CDKL5: variants seen among roughly 807,000 people sequenced by gnomAD.
The protein encoded by CDKL5 is cyclin-dependent kinase-like 5.
Under a neutral mutation model 61.7 loss-of-function variants are expected in CDKL5, and 8 were observed. That is an observed-to-expected ratio of 0.13 (90% CI 0.08 to 0.23). The LOEUF is 0.23. CDKL5 is among the 10% of genes least tolerant of loss of function. The pLI is 1.00. For synonymous variants in CDKL5, 275 were observed against 272.3 expected (o/e 1.01, Z -0.10); for missense variants, 440 against 734.5 (o/e 0.60, Z 4.63).
chrX:18,613,292 G>A lies in CDKL5; in HGVS notation c.2276+17G>A, dbSNP rs375725816. 8.5e-7 allele frequency: 1 copy of A among 1,182,051 alleles called. No homozygotes were observed. The highest frequency in any genetic ancestry group is 2.2e-5 in the Admixed American group (1 of 45,022). ...CGATCCATGGTGAGCATTTTGGTTT[G>A]TTTTTACTCTTCCTTTTTTTAATTG... On this transcript the variant is annotated intron_variant, in intron 15 of 17. Coordinates refer to ENST00000623535, the MANE Select transcript of CDKL5 (RefSeq NM_001323289.2).
At chrX:18,559,615 TTTC>T (rs1924721541) in intron 3 of CDKL5, among the ~76,000 whole-genome samples, 1 of 109,167 alleles carries the variant, frequency 9.2e-6, no homozygotes, top group Non-Finnish European at 1.9e-5. Context: ...AAAATGACCT[TTTC>T]TTTTTTTTTT....
At chrX:18,473,502 A>G (rs1350695007) in intron 1 of CDKL5, among the ~76,000 whole-genome samples, 3 of 109,725 alleles carry the variant, frequency 2.7e-5, no homozygotes, top group African/African-American at 1.0e-4. Flanking sequence ...GTCCAGTAGG[A>G]TATGAATGAA....
In CDKL5 at chrX:18,651,220, A is replaced by AGTGTGT. The variant is rs3838188; in HGVS notation, c.2980+668_2980+673dup. On this transcript the variant is annotated intron_variant, in intron 21 of 21. Transcript: ENST00000379989. The stretch of plus-strand genomic sequence containing the variant: ...GCTGTCCTTGCCCCAGGCAGGAGCA[A>AGTGTGT]GTGTGTGTGTGTGTGTGTGTGTGTG... Among the ~76,000 whole-genome samples, 177 of 65,176 alleles carry AGTGTGT rather than the reference A, an allele frequency of 2.7e-3. 1 individual carries two copies. The highest frequency in any genetic ancestry group is 7.0e-3 in the African/African-American group (111 of 15,799). 56.6% of individuals were successfully genotyped at this position (65,176 alleles called of 115,157 possible).
At chrX:18,433,906 C>T (rs780985140) in intron 1 of CDKL5, among the ~76,000 whole-genome samples, 2 of 112,410 alleles carry the variant, frequency 1.8e-5, no homozygotes, top group African/African-American at 6.5e-5. Flanking sequence ...GACCTCTAAT[C>T]CCCCTTGACA....
At chrX:18,614,511 A>C (rs1281287730) in intron 15 of CDKL5, among the ~76,000 whole-genome samples, 1 of 111,794 alleles carries the variant, frequency 8.9e-6, no homozygotes, top group African/African-American at 3.3e-5. Context: ...CCTCCCTCAT[A>C]GGGTTCATGT....
rs1250531842 is a variant in CDKL5, at chrX:18,653,537, G to T, written c.3086G>T (p.Gly1029Val). 8.3e-7 allele frequency: 1 copy of T among 1,211,713 alleles called. No homozygotes were observed. The highest frequency in any genetic ancestry group is 1.1e-6 in the Non-Finnish European group (1 of 895,447). The change falls in exon 22 of 22, where the codon GGC becomes GTC. Residue 1029 changes from glycine (G) to valine (V), a missense_variant. By Grantham distance (109) the Gly-to-Val change is moderately radical (BLOSUM62 -3). Coordinates refer to the CDKL5 transcript ENST00000379989. ...TACCATGAGAATGCGGCACTGACGG[G>T]CAAGTGACTTCTGCAAGCCTGCGGC...
intron 3 of CDKL5, 71 bp downstream of exon 3, chrX:18,510,925 T>G: frequency 1.3e-6 from 1 of 765,995 alleles, no homozygotes; most frequent in Admixed American, 2.2e-5. Flanking sequence ...TAGTGGTCTT[T>G]GCGTGTGGGC....
At chrX:18,460,349 A>G (rs1932255120) in intron 1 of CDKL5, among the ~76,000 whole-genome samples, 1 of 111,334 alleles carries the variant, frequency 9.0e-6, no homozygotes, top group African/African-American at 3.3e-5. Flanking sequence ...GTACCCAGGT[A>G]GATGGTGTTA....
chrX:18,466,710 G>A (rs1169107837), intron 1 of CDKL5, among the ~76,000 whole-genome samples: 1 of 111,114 alleles, frequency 9.0e-6, no homozygotes, highest in Non-Finnish European at 1.9e-5. Context: ...ACAGGGTTTC[G>A]CCATGTTGCC....
chrX:18,542,659 AT>A (rs199564053), intron 3 of CDKL5, among the ~76,000 whole-genome samples: 3,139 of 95,701 alleles, frequency 0.033, 85 homozygotes, highest in East Asian at 0.19. Flanking sequence ...TAATATGATG[AT>A]TTTTTTTTTT....
chrX:18,455,106 TC>T (rs1429151124), intron 1 of CDKL5, among the ~76,000 whole-genome samples: 2 of 111,000 alleles, frequency 1.8e-5, no homozygotes, highest in Non-Finnish European at 3.8e-5. Flanking sequence ...GTATAATCCA[TC>T]CTATGTGTGC....
chrX:18,518,388 A>ATTTTTTTTTT lies in CDKL5; in HGVS notation c.99+7560_99+7569dup, dbSNP rs779361711. 1.2e-3 allele frequency among the ~76,000 whole-genome samples: 26 copies of ATTTTTTTTTT among 21,165 alleles called. 6 individuals carry two copies. Among genetic ancestry groups the ATTTTTTTTTT allele is most frequent in the East Asian group, 2.1e-3 (1 of 486 alleles). The allele number at this position is 21,165 out of a possible 115,157, so 18.4% of individuals were successfully genotyped here. The stretch of plus-strand genomic sequence containing the variant: ...AAGTCATGTTTTCTTTTCTTTTCTT[A>ATTTTTTTTTT]TTTTTTTTTTTTTTTTTTTTTTTTT... On this transcript the variant is annotated intron_variant, in intron 3 of 17. Transcript: ENST00000623535.
intron 1 of CDKL5, among the ~76,000 whole-genome samples, chrX:18,483,583 A>ATT (rs1322471371): frequency 9.5e-6 from 1 of 105,688 alleles, no homozygotes; most frequent in South Asian, 4.2e-4. Flanking sequence ...CACCTGGCTA[A>ATT]TTTTTTTTTT....
downstream of CDKL5, among the ~76,000 whole-genome samples, chrX:18,643,649 C>T (rs1338587247): frequency 1.8e-5 from 2 of 111,800 alleles, no homozygotes; most frequent in African/African-American, 3.3e-5. Flanking sequence ...AACCCATGAA[C>T]GTCTTGGCCG....
In CDKL5 at chrX:18,518,385, C is replaced by CTTTTTTTTTTTTTT. The variant is rs1195931109; in HGVS notation, c.99+7533_99+7534insTTTTTTTTTTTTTT. Among the ~76,000 whole-genome samples the CTTTTTTTTTTTTTT allele has an allele frequency of 3.5e-4, 8 of 22,786 alleles. 1 individual carries two copies. Among genetic ancestry groups the CTTTTTTTTTTTTTT allele is most frequent in the African/African-American group, 1.2e-3 (8 of 6,582 alleles). The allele number at this position is 22,786 out of a possible 115,157, so 19.8% of individuals were successfully genotyped here. A position where few individuals can be genotyped will look rare whatever the true frequency, so the allele number is the denominator to read the frequency against. ...ATAAAGTCATGTTTTCTTTTCTTTT[C>CTTTTTTTTTTTTTT]TTATTTTTTTTTTTTTTTTTTTTTT... On this transcript the variant is annotated intron_variant, in intron 3 of 17. Transcript: ENST00000623535.
intron 3 of CDKL5, among the ~76,000 whole-genome samples, chrX:18,537,098 C>T (rs1602247723): frequency 1.8e-5 from 2 of 110,043 alleles, no homozygotes; most frequent in Non-Finnish European, 3.8e-5. Flanking sequence ...TAAACCTGCC[C>T]ATCCAGCATC....
At chrX:18,585,220 C>T (rs1272905326) in intron 8 of CDKL5, among the ~76,000 whole-genome samples, 1 of 110,442 alleles carries the variant, frequency 9.1e-6, no homozygotes, top group African/African-American at 3.3e-5. Flanking sequence ...ATGGTGAAAC[C>T]CCGTCTCTAC....
Position 18,575,313 on chromosome X carries a change from A to G in CDKL5, c.146-41A>G, listed in dbSNP as rs1412622714. ...TGGAATTCTTTGAATAGTAGCTTGAAAGTTTTCATTTTAGTCTCTTCACCA... is the reference window on the plus strand; with the variant it reads ...TGGAATTCTTTGAATAGTAGCTTGAGAGTTTTCATTTTAGTCTCTTCACCA... On this transcript the variant is annotated intron_variant, in intron 4 of 17. Transcript: ENST00000623535. 5 of 1,180,531 alleles carry G rather than the reference A, an allele frequency of 4.2e-6. No individual in the cohort carries two copies. In the East Asian group the frequency reaches 1.5e-4, roughly 35 times the overall value.
Position 18,649,518 on chromosome X carries a change from G to A in CDKL5, c.2798-892G>A, listed in dbSNP as rs138663225. Among the ~76,000 whole-genome samples the A allele has an allele frequency of 5.0e-3, 557 of 111,898 alleles. 2 individuals carry two copies. Among genetic ancestry groups the A allele is most frequent in the African/African-American group, 0.017 (521 of 30,833 alleles). ...ACAGGCCAGCTTCAGACCTCTGGCC[G>A]GGGAGGCTTAACTTCCTTTCTGCCC... On this transcript the variant is annotated intron_variant, in intron 20 of 21. Coordinates refer to the CDKL5 transcript ENST00000379989.
Sources: gnomAD v4.1 joint callset for allele counts (sites outside exome capture counted in the v4.1 genomes callset) on GRCh38, gnomAD v4.1.1 for gene constraint, MANE v1.5 for transcripts, NCBI Gene and HGNC (gene_info 2026-07-23, HGNC 2026-07-21) for gene names.